CHST15: variants seen among roughly 807,000 people sequenced by gnomAD.
CHST15 encodes B cell RAG associated protein (GALNAC4S-6ST).
A neutral mutation model predicts 53.6 loss-of-function variants in CHST15; 30 were observed. That is an observed-to-expected ratio of 0.56 (90% CI 0.42 to 0.76). The LOEUF (loss-of-function observed/expected upper bound fraction) is 0.76, where lower values mean the gene tolerates loss of function less well. Ranked by LOEUF, CHST15 falls within the 30% of genes least tolerant of loss-of-function variation. CHST15 has a pLI of 0.00. For synonymous variants in CHST15, 296 were observed against 289.8 expected (o/e 1.02, Z -0.22); for missense variants, 627 against 740.5 (o/e 0.85, Z 1.78).
chr10:124,093,380 G>A (rs1439533433), intron 1 of CHST15, 89 bp downstream of exon 1: 1 of 152,314 alleles, frequency 6.6e-6, no homozygotes, highest in East Asian at 1.9e-4. Flanking sequence ...CGAACCCGCG[G>A]AGGGGCGCCG....
At position 124,009,167 on chromosome 10, in the gene CHST15, T is replaced by C; in HGVS notation, c.*982A>G. On this transcript the variant is annotated 3_prime_UTR_variant, in exon 8 of 8. Transcript: ENST00000435907. ...GCCAGAACTAAAAATTAAAATCCTC[T>C]GTTTCTCTGATGATCTTGTAAACCT... 2 of 1,192,688 alleles carry C rather than the reference T, an allele frequency of 1.7e-6. No homozygotes were observed. The highest frequency in any genetic ancestry group is 2.1e-6 in the Non-Finnish European group (2 of 934,880). The allele number at this position is 1,192,688 out of a possible 1,614,324, so 73.9% of individuals were successfully genotyped here.
chr10:124,009,949 G>A lies in CHST15; in HGVS notation c.*200C>T, dbSNP rs184857908. 6 of 1,420,770 alleles carry A rather than the reference G, an allele frequency of 4.2e-6. No homozygotes were observed. In the East Asian group the frequency reaches 1.0e-4, roughly 25 times the overall value. The allele number at this position is 1,420,770 out of a possible 1,614,324, so 88.0% of individuals were successfully genotyped here. A position where few individuals can be genotyped will look rare whatever the true frequency, so the allele number is the denominator to read the frequency against. On this transcript the variant is annotated 3_prime_UTR_variant, in exon 8 of 8. Transcript: ENST00000435907. ...GGGTCTCCAATGGCCTCGGATAGAG[G>A]AGCTCTGTGAGGGGTCCATTGCTGA...
intron 7 of CHST15, chr10:124,011,886 C>A: frequency 3.1e-6 from 3 of 980,862 alleles, no homozygotes; most frequent in Non-Finnish European, 3.6e-6. Flanking sequence ...CTGCTCCAGC[C>A]CCCCGGTGAC....
In CHST15 at chr10:124,025,409, C is replaced by T. The variant is rs137912579; in HGVS notation, c.1191-3997G>A. 2.0e-3 allele frequency among the ~76,000 whole-genome samples: 308 copies of T among 152,316 alleles called. 2 individuals are homozygous for T. The highest frequency in any genetic ancestry group is 7.3e-3 in the East Asian group (38 of 5,174). On this transcript the variant is annotated intron_variant, in intron 5 of 7. Transcript: ENST00000435907. ...TTCCTCGGCTGGATGAAAAGAGACT[C>T]CTTTGGCCTCTCAGTCACCTCTGGG...
chr10:124,028,401 C>A (rs1947093939), intron 5 of CHST15, among the ~76,000 whole-genome samples: 1 of 152,208 alleles, frequency 6.6e-6, no homozygotes, highest in Non-Finnish European at 1.5e-5. Context: ...TTTGGGAAAA[C>A]CTCTCCCCAT....
rs1054260975 is a variant in CHST15, at chr10:124,036,570, T to C, written c.1190+1945A>G. On this transcript the variant is annotated intron_variant, in intron 5 of 7. Coordinates refer to ENST00000435907, the MANE Select transcript of CHST15 (RefSeq NM_001270764.2). This position sits in a 1 kb window ranked among gnomAD's most constrained non-coding sequence, Gnocchi z 5.1. ...CACAAGAGGGACATCAGCTCAGAAGTGTGACCAGAGCAGACTTTAAAGCAT... is the reference window on the plus strand; with the variant it reads ...CACAAGAGGGACATCAGCTCAGAAGCGTGACCAGAGCAGACTTTAAAGCAT... 6.6e-6 allele frequency among the ~76,000 whole-genome samples: 1 copy of C among 151,922 alleles called. No homozygotes were observed. The highest frequency in any genetic ancestry group is 1.5e-5 in the Non-Finnish European group (1 of 67,992).
At chr10:124,087,756 G>T (rs1397746067) in intron 1 of CHST15, among the ~76,000 whole-genome samples, 1 of 149,412 alleles carries the variant, frequency 6.7e-6, no homozygotes, top group Non-Finnish European at 1.5e-5. Context: ...AGCTGAGAGT[G>T]GGGTGAGATG....
Position 124,046,226 on chromosome 10 carries a change from C to A in CHST15, c.-14G>T, listed in dbSNP as rs1948001428. 1 of 1,567,564 alleles carries A rather than the reference C, an allele frequency of 6.4e-7. No individual in the cohort carries two copies. The highest frequency in any genetic ancestry group is 8.7e-7 in the Non-Finnish European group (1 of 1,155,678). On this transcript the variant is annotated 5_prime_UTR_variant, in exon 2 of 8. Coordinates refer to ENST00000435907, the MANE Select transcript of CHST15 (RefSeq NM_001270764.2). ...GCAGTGCCTCATGGTAGTGCCAGTG[C>A]CCTGGGCTGCTGGCTTACCGAGCCA...
At chr10:124,017,945 G>C (rs996755647) in intron 6 of CHST15, among the ~76,000 whole-genome samples, 1 of 152,246 alleles carries the variant, frequency 6.6e-6, no homozygotes, top group African/African-American at 2.4e-5. Context: ...AGGCACTTGG[G>C]CAGAGAAGGG....
chr10:124,012,587 T>A, intron 6 of CHST15, 107 bp from the exon 7 acceptor site: 1 of 1,257,894 alleles, frequency 7.9e-7, no homozygotes, highest in Non-Finnish European at 1.1e-6. Flanking sequence ...AGAGTTATCC[T>A]AGCAAAGTTA....
At position 124,019,051 on chromosome 10, in the gene CHST15, G is replaced by C. The variant is rs1367956781; in HGVS notation, c.1347+2205C>G. ...GCTGCTGCTATTACTGTTTATGCCA[G>C]GACTGAAGGTCCTCCATGCGAGGCC... On this transcript the variant is annotated intron_variant, in intron 6 of 7. Coordinates refer to ENST00000435907, the MANE Select transcript of CHST15 (RefSeq NM_001270764.2). The surrounding 1 kb of genome is among the most constrained non-coding windows in gnomAD (Gnocchi z 4.6). Among the ~76,000 whole-genome samples, 5 of 152,196 alleles carry C rather than the reference G, an allele frequency of 3.3e-5. No homozygotes were observed. Among genetic ancestry groups the C allele is most frequent in the Non-Finnish European group, 7.3e-5 (5 of 68,042 alleles).
At chr10:124,021,024 G>A in intron 6 of CHST15, 2 of 1,430,788 alleles carry the variant, frequency 1.4e-6, no homozygotes, top group Non-Finnish European at 1.8e-6. Context: ...GCTGAGGGAG[G>A]AGGGGGAGGT....
At chr10:124,041,526 C>A (rs1265473871) in intron 4 of CHST15, among the ~76,000 whole-genome samples, 1 of 152,054 alleles carries the variant, frequency 6.6e-6, no homozygotes. Flanking sequence ...ATTTCAGGTG[C>A]TTTTACCACA....
intron 1 of CHST15, among the ~76,000 whole-genome samples, chr10:124,047,630 A>G (rs1405962460): frequency 1.3e-5 from 2 of 152,246 alleles, no homozygotes; most frequent in Non-Finnish European, 2.9e-5. Flanking sequence ...CAAGCCACAT[A>G]ACCTCTCTGA....
intron 1 of CHST15, among the ~76,000 whole-genome samples, chr10:124,056,832 C>T (rs930801026): frequency 6.6e-6 from 1 of 151,752 alleles, no homozygotes; most frequent in East Asian, 1.9e-4. Context: ...CAGGCCTATA[C>T]GACCGGACAC....
At chr10:124,079,654 C>CA (rs1459244389) in intron 1 of CHST15, among the ~76,000 whole-genome samples, 1 of 152,194 alleles carries the variant, frequency 6.6e-6, no homozygotes, top group Non-Finnish European at 1.5e-5. Context: ...GGAGGGCCCT[C>CA]AAGAAACAGA....
intron 5 of CHST15, among the ~76,000 whole-genome samples, chr10:124,027,973 G>A (rs1013517926): frequency 3.3e-5 from 5 of 152,222 alleles, no homozygotes; most frequent in Admixed American, 3.3e-4. Flanking sequence ...GTTTGTTTAG[G>A]TGTTTTTATT....
chr10:124,059,592 G>C (rs1432779322), intron 1 of CHST15, among the ~76,000 whole-genome samples: 1 of 152,188 alleles, frequency 6.6e-6, no homozygotes, highest in African/African-American at 2.4e-5. Flanking sequence ...CGGCCCAGAT[G>C]TCCTTCAGGA....
At chr10:124,052,831 C>T (rs888843306) in intron 1 of CHST15, among the ~76,000 whole-genome samples, 3 of 152,134 alleles carry the variant, frequency 2.0e-5, no homozygotes, top group Middle Eastern at 3.4e-3. Flanking sequence ...GTCAGGAGTT[C>T]GACACCAGCC....
Sources: gnomAD v4.1 joint callset for allele counts (sites outside exome capture counted in the v4.1 genomes callset) on GRCh38, gnomAD v4.1.1 for gene constraint, Gnocchi (gnomAD v3.1) non-coding constraint, MANE v1.5 for transcripts, NCBI Gene and HGNC (gene_info 2026-07-23, HGNC 2026-07-21) for gene names.